Variants in FAT1 observed in about 807,000 individuals in gnomAD.
FAT1 encodes FAT atypical cadherin 1, also known as protocadherin Fat 1.
FAT1 carries 171 observed loss-of-function variants against 329.8 expected under a neutral mutation model. That is an observed-to-expected ratio of 0.52 (90% confidence interval 0.46 to 0.59). FAT1 has a LOEUF of 0.59. Among genes scored for constraint, FAT1 ranks in the 20% least tolerant of loss-of-function variants. The pLI is 0.00. For synonymous variants in FAT1, 2,233 were observed against 2,228.6 expected (o/e 1.00, Z -0.06); for missense variants, 5,672 against 5,774.4 (o/e 0.98, Z 0.57).
In FAT1 at chr4:186,709,236, G is replaced by A. The variant is rs1359543534; in HGVS notation, c.592C>T (p.His198Tyr). Residue 198 changes from histidine (H) to tyrosine (Y), a missense_variant, in exon 2 of 27, where the codon CAC becomes TAC. Transcript: ENST00000441802. ...AACACTATCACACCACTGGTTGGGT[G>A]AATAGCAAACATATCTGTTCGATCT... Reference protein sequence around the residue: ...FKDRTDMFAIHPTSGVIVLTG... With the variant: ...FKDRTDMFAIYPTSGVIVLTG... The A allele has an allele frequency of 5.0e-6, 8 of 1,613,882 alleles. No individual in the cohort carries two copies. In the Admixed American group the frequency reaches 1.0e-4, roughly 20 times the overall value.
chr4:186,692,731 T>C (rs1743844438), intron 2 of FAT1, among the ~76,000 whole-genome samples: 1 of 152,182 alleles, frequency 6.6e-6, no homozygotes, highest in African/African-American at 2.4e-5. Flanking sequence ...CAGTCTTCCA[T>C]GGACTTCCAA....
At chr4:186,628,886 A>T in intron 7 of FAT1, 123 bp from the exon 8 acceptor site, 1 of 929,936 alleles carries the variant, frequency 1.1e-6, no homozygotes, top group Non-Finnish European at 1.6e-6. Context: ...AATACGAGAA[A>T]GGCAACAAAA....
At chr4:186,687,521 A>G (rs943049417) in intron 2 of FAT1, among the ~76,000 whole-genome samples, 28 of 152,246 alleles carry the variant, frequency 1.8e-4, no homozygotes, top group African/African-American at 6.8e-4. Flanking sequence ...AAAATTGAGT[A>G]TTACTATACA....
rs1561012710 is a variant in FAT1, at chr4:186,709,823, C to T, written c.5G>A (p.Gly2Glu). 1 of 1,598,670 alleles carries T rather than the reference C, an allele frequency of 6.3e-7. No homozygotes were observed. The highest frequency in any genetic ancestry group is 8.5e-7 in the Non-Finnish European group (1 of 1,170,738). ...AAGCAGGAGCAAAGCCAAATGTCTC[C>T]CCATTGCTTAACTGTCGGGAATCTG... Reference protein sequence around the residue: MGRHLALLLLLL... With the variant: MERHLALLLLLL... The change falls in exon 2 of 27, where the codon GGG (glycine) becomes GAG (glutamate). Residue 2 changes from glycine (G) to glutamate (E), a missense_variant. Coordinates refer to ENST00000441802, the MANE Select transcript of FAT1 (RefSeq NM_005245.4).
intron 2 of FAT1, among the ~76,000 whole-genome samples, chr4:186,704,697 T>C (rs143940280): frequency 1.3e-3 from 191 of 152,314 alleles, no homozygotes; most frequent in African/African-American, 4.3e-3. Flanking sequence ...GAAACAGTAT[T>C]TGAAAATTCT....
rs748091046 is a variant in FAT1 at position 186,621,038 on chromosome 4, G to A, written c.5548C>T (p.His1850Tyr). ...AATAAACGTGGGGTTCCCATGTCATGCACTTGGACGGTAAAGTGAAAAATA... is the reference window on the plus strand; with the variant it reads ...AATAAACGTGGGGTTCCCATGTCATACACTTGGACGGTAAAGTGAAAAATA... Reference protein sequence around the residue: ...TSIFHFTVQVHDMGTPRLFAE... With the variant: ...TSIFHFTVQVYDMGTPRLFAE... The change falls in exon 10 of 27, where the codon CAT becomes TAT. Residue 1850 changes from histidine (H) to tyrosine (Y), a missense_variant. His to Tyr is a moderately conservative substitution (Grantham distance 83, BLOSUM62 2). Coordinates refer to ENST00000441802, the MANE Select transcript of FAT1 (RefSeq NM_005245.4). 5.0e-6 allele frequency: 8 copies of A among 1,612,584 alleles called. No homozygotes were observed. Among genetic ancestry groups the A allele is most frequent in the African/African-American group, 1.3e-5 (1 of 74,940 alleles).
intron 11 of FAT1, among the ~76,000 whole-genome samples, chr4:186,616,565 T>C (rs1250935245): frequency 6.6e-6 from 1 of 152,062 alleles, no homozygotes; most frequent in Non-Finnish European, 1.5e-5. Flanking sequence ...TAGTTCCCAC[T>C]GAATGGTGAG....
chr4:186,661,393 GC>G (rs1742163628), intron 3 of FAT1, among the ~76,000 whole-genome samples: 1 of 152,218 alleles, frequency 6.6e-6, no homozygotes. Flanking sequence ...CAAGAGACAG[GC>G]CTTTGTCAAC....
intron 20 of FAT1, among the ~76,000 whole-genome samples, chr4:186,602,656 G>A (rs1221756803): frequency 6.6e-6 from 1 of 152,152 alleles, no homozygotes; most frequent in Admixed American, 6.5e-5. Context: ...ATGGCACTGC[G>A]TTGTTAGCTG....
At position 186,619,990 on chromosome 4, in the gene FAT1, C is replaced by G. The variant is rs374542025; in HGVS notation, c.6596G>C (p.Ser2199Thr). The G allele has an allele frequency of 6.2e-7, 1 of 1,614,002 alleles. No individual in the cohort carries two copies. Among genetic ancestry groups the G allele is most frequent in the Non-Finnish European group, 8.5e-7 (1 of 1,179,890 alleles). ...AEIAESIQVHSPVVHVQANSP... is the reference protein window; with the variant it reads ...AEIAESIQVHTPVVHVQANSP... ...GTTAGCCTGCACGTGGACCACAGGG[C>G]TGTGCACCTGGATGCTCTCTGCAAT... The change falls in exon 10 of 27, where the codon AGC (serine) becomes ACC (threonine). Residue 2199 changes from serine (S) to threonine (T), a missense_variant. Around this residue, in one of 2 missense-constraint regions of FAT1, gnomAD observed 3,966 missense variants for 3,915.2 expected, o/e 1.01. Coordinates refer to ENST00000441802, the MANE Select transcript of FAT1 (RefSeq NM_005245.4).
intron 2 of FAT1, among the ~76,000 whole-genome samples, chr4:186,665,416 G>A (rs1742391735): frequency 6.6e-6 from 1 of 151,678 alleles, no homozygotes; most frequent in African/African-American, 2.4e-5. Context: ...ATCTCATTGT[G>A]GTTTTGATTT....
Position 186,706,995 on chromosome 4 carries a change from C to T in FAT1, c.2833G>A (p.Val945Ile), listed in dbSNP as rs377150532. The change falls in exon 2 of 27, where the codon GTC becomes ATC. Residue 945 changes from valine to isoleucine, a missense_variant. By Grantham distance (29) the Val-to-Ile change is conservative. Transcript: ENST00000441802. ...KVREDLPEGTVIMWLEAHDPD... is the reference protein window; with the variant it reads ...KVREDLPEGTIIMWLEAHDPD... Reference sequence around the variant, plus strand: ...TCGTGGGCTTCTAACCACATGATGACGGTTCCTTCTGGAAGATCCTCTCGG... The same window carrying T: ...TCGTGGGCTTCTAACCACATGATGATGGTTCCTTCTGGAAGATCCTCTCGG... 1.3e-4 allele frequency: 203 copies of T among 1,613,848 alleles called. No homozygotes were observed. The highest frequency in any genetic ancestry group is 1.6e-4 in the Non-Finnish European group (189 of 1,179,896).
In FAT1 at chr4:186,621,501, T is replaced by A. The variant is rs764706630; in HGVS notation, c.5085A>T (p.Ser1695=). ...FVGMVTAHSQ[S]SVVYEIKDGN... ...CATCTTTTATTTCATACACCACTGATGATTGACTATGGGCTGTAACCATCC... is the reference window on the plus strand; with the variant it reads ...CATCTTTTATTTCATACACCACTGAAGATTGACTATGGGCTGTAACCATCC... Residue 1695 remains serine (S), a synonymous_variant, in exon 10 of 27, where the codon TCA becomes TCT. Coordinates refer to ENST00000441802, the MANE Select transcript of FAT1 (RefSeq NM_005245.4). 6.2e-7 allele frequency: 1 copy of A among 1,614,046 alleles called. No individual in the cohort carries two copies.
In FAT1 at chr4:186,707,336, A is replaced by C. The variant is rs1448535847; in HGVS notation, c.2492T>G (p.Val831Gly). The C allele has an allele frequency of 6.2e-7, 1 of 1,613,892 alleles. No homozygotes were observed. The highest frequency in any genetic ancestry group is 8.5e-7 in the Non-Finnish European group (1 of 1,179,870). The change falls in exon 2 of 27, where the codon GTG (valine) becomes GGG (glycine). Residue 831 changes from valine (V) to glycine (G), a missense_variant. By Grantham distance (109) the Val-to-Gly change is moderately radical. Coordinates refer to ENST00000441802, the MANE Select transcript of FAT1 (RefSeq NM_005245.4). ...ACTATGTACCTCCTTGTCTTCACTCACTTCCACAAAATAGCTCTCCTGTAA... is the reference window on the plus strand; with the variant it reads ...ACTATGTACCTCCTTGTCTTCACTCCCTTCCACAAAATAGCTCTCCTGTAA... ...EFLQESYFVEVSEDKEVHSEI... is the reference protein window; with the variant it reads ...EFLQESYFVEGSEDKEVHSEI...
At chr4:186,682,059 C>A (rs990902819) in intron 2 of FAT1, among the ~76,000 whole-genome samples, 6 of 152,072 alleles carry the variant, frequency 3.9e-5, no homozygotes, top group Non-Finnish European at 7.4e-5. Context: ...TGTTTAGTCA[C>A]CAAATATATA....
intron 7 of FAT1, among the ~76,000 whole-genome samples, chr4:186,630,646 C>T (rs997743132): frequency 6.6e-6 from 1 of 152,064 alleles, no homozygotes; most frequent in Admixed American, 6.5e-5. Flanking sequence ...GCTCTCAGAA[C>T]GTGAAGAACA....
intron 1 of FAT1, among the ~76,000 whole-genome samples, chr4:186,722,117 C>A (rs1461041552): frequency 1.3e-5 from 2 of 152,180 alleles, no homozygotes; most frequent in Non-Finnish European, 2.9e-5. Context: ...GGTTTACAGG[C>A]GTGAGGCACT....
rs1738718060 is a variant in FAT1, at chr4:186,599,988, C to G, written c.12013G>C (p.Val4005Leu). 6.2e-7 allele frequency: 1 copy of G among 1,614,016 alleles called. No homozygotes were observed. The highest frequency in any genetic ancestry group is 2.2e-5 in the East Asian group (1 of 44,880). Residue 4005 changes from valine (V) to leucine (L), a missense_variant, in exon 22 of 27, where the codon GTA becomes CTA. Transcript: ENST00000441802. Reference sequence around the variant, plus strand: ...GCCGTCAGGAAGCAGCCTGGAGATACATCCACCGACTCTTCGATGTGTGCA... The same window carrying G: ...GCCGTCAGGAAGCAGCCTGGAGATAGATCCACCGACTCTTCGATGTGTGCA... ...SYAHIEESVD[V>L]SPGCFLTATE...
chr4:186,717,428 T>A (rs2126718557), intron 1 of FAT1, among the ~76,000 whole-genome samples: 1 of 152,346 alleles, frequency 6.6e-6, no homozygotes, highest in South Asian at 2.1e-4. Context: ...GGGGCTGCAA[T>A]AATCTGGTAA....
Sources: gnomAD v4.1 joint callset for allele counts (sites outside exome capture counted in the v4.1 genomes callset) on GRCh38, gnomAD v4.1.1 for gene constraint, gnomAD v4.1.1 regional missense constraint, MANE v1.5 for transcripts, NCBI Gene and HGNC (gene_info 2026-07-23, HGNC 2026-07-21) for gene names.